SMURF1: variants seen among roughly 807,000 people sequenced by gnomAD.
The protein encoded by SMURF1 is SMAD specific E3 ubiquitin protein ligase 1.
Under a neutral mutation model 98.0 loss-of-function variants are expected in SMURF1, and 44 were observed. The ratio of observed to expected loss-of-function variants is 0.45; its 90% CI spans 0.35 to 0.58. SMURF1 has a LOEUF of 0.58. SMURF1 is among the 20% of genes least tolerant of loss of function. The pLI is 0.00. For synonymous variants in SMURF1, 396 were observed against 374.9 expected (o/e 1.06, Z -0.65); for missense variants, 687 against 938.4 (o/e 0.73, Z 3.50).
intron 1 of SMURF1, among the ~76,000 whole-genome samples, chr7:99,067,386 A>T (rs1796219696): frequency 6.6e-6 from 1 of 152,064 alleles, no homozygotes; most frequent in South Asian, 2.1e-4. Flanking sequence ...CATTTCCAGA[A>T]CACTGAGTTT....
chr7:99,088,468 A>G (rs2150575713), intron 1 of SMURF1, among the ~76,000 whole-genome samples: 1 of 151,200 alleles, frequency 6.6e-6, no homozygotes, highest in East Asian at 1.9e-4. Flanking sequence ...ACTGTCCTGT[A>G]AAGTTACCTA....
chr7:99,031,768 CAG>C (rs1273986828), intron 17 of SMURF1, among the ~76,000 whole-genome samples: 3 of 152,182 alleles, frequency 2.0e-5, no homozygotes, highest in Non-Finnish European at 4.4e-5. Flanking sequence ...AATCACATGT[CAG>C]AGGGTGTCAC....
chr7:99,090,924 C>G (rs898518571), intron 1 of SMURF1, among the ~76,000 whole-genome samples: 1 of 152,168 alleles, frequency 6.6e-6, no homozygotes, highest in Non-Finnish European at 1.5e-5. Context: ...AAAGTGACAG[C>G]TACGCTCTAG....
chr7:99,104,029 T>C (rs545454625), intron 1 of SMURF1, among the ~76,000 whole-genome samples: 1 of 152,030 alleles, frequency 6.6e-6, no homozygotes, highest in Admixed American at 6.5e-5. Context: ...AGGGATTACA[T>C]GCGTGCGTCA....
chr7:99,032,936 G>A, intron 17 of SMURF1, 101 bp downstream of exon 17: 3 of 1,273,376 alleles, frequency 2.4e-6, no homozygotes, highest in Non-Finnish European at 3.3e-6. Flanking sequence ...AAATATTTTG[G>A]CAGAGACTCC....
At chr7:99,050,560 A>G (rs185492937) in intron 8 of SMURF1, 2,581 of 183,156 alleles carry the variant, frequency 0.014, 25 homozygotes, top group Non-Finnish European at 0.021. Flanking sequence ...TATTCTCCTG[A>G]TTAATAATTT....
chr7:99,101,543 T>C (rs752159896), intron 1 of SMURF1, among the ~76,000 whole-genome samples: 26 of 152,138 alleles, frequency 1.7e-4, no homozygotes, highest in Admixed American at 7.2e-4. Context: ...ACACAATAAA[T>C]AGATTTAATT....
intron 1 of SMURF1, among the ~76,000 whole-genome samples, chr7:99,139,516 C>G (rs572013419): frequency 6.6e-6 from 1 of 152,212 alleles, no homozygotes; most frequent in East Asian, 1.9e-4. Flanking sequence ...ATTGTAGAAC[C>G]CTGAATTCCA....
intron 1 of SMURF1, among the ~76,000 whole-genome samples, chr7:99,093,107 G>C (rs1796852406): frequency 6.6e-6 from 1 of 152,168 alleles, no homozygotes; most frequent in Non-Finnish European, 1.5e-5. Flanking sequence ...AGGGCGCAGA[G>C]GGAGGAAATG....
intron 1 of SMURF1, among the ~76,000 whole-genome samples, chr7:99,082,950 C>A (rs996731150): frequency 6.6e-6 from 1 of 152,108 alleles, no homozygotes; most frequent in Admixed American, 6.6e-5. Context: ...ATACTTCTTT[C>A]ATTGAATTTA....
At chr7:99,049,939 G>T (rs748698839) in intron 8 of SMURF1, 1 of 424,874 alleles carries the variant, frequency 2.4e-6, no homozygotes, top group Admixed American at 4.1e-5. Context: ...CAGGCTGGGC[G>T]CGGTAGCTCA....
intron 1 of SMURF1, among the ~76,000 whole-genome samples, chr7:99,131,650 G>A (rs1427933175): frequency 6.6e-6 from 1 of 152,168 alleles, no homozygotes; most frequent in Non-Finnish European, 1.5e-5. Flanking sequence ...CCAGGAGTTT[G>A]AGGCTGCAGT....
Position 99,061,827 on chromosome 7 carries a change from G to A in SMURF1, c.66C>T (p.Ala22=). 1 of 1,604,224 alleles carries A rather than the reference G, an allele frequency of 6.2e-7. No individual in the cohort carries two copies. The highest frequency in any genetic ancestry group is 1.1e-5 in the South Asian group (1 of 88,396). ...AGAAGTCTTTCTTTGCAAGGTTCTT[G>A]GCACATAACACTAAAAACAAAGAAA... The part of the protein sequence containing the change: ...SIKIRLTVLC[A]KNLAKKDFFR... The change falls in exon 2 of 18, where the codon GCC becomes GCT. Residue 22 remains alanine, a synonymous_variant. Coordinates refer to ENST00000361368, the MANE Select transcript of SMURF1 (RefSeq NM_181349.3).
chr7:99,110,587 A>G (rs988456750), intron 1 of SMURF1, among the ~76,000 whole-genome samples: 3 of 152,252 alleles, frequency 2.0e-5, no homozygotes, highest in African/African-American at 7.2e-5. Flanking sequence ...AAGTTTGACA[A>G]TCTATTGAAA....
At chr7:99,143,703 G>A (rs751959732) in intron 1 of SMURF1, 23 bp downstream of exon 1, 4 of 1,547,048 alleles carry the variant, frequency 2.6e-6, no homozygotes, top group Middle Eastern at 1.7e-4. Context: ...CCGGGGCGCG[G>A]GTGGGCCTCC....
intron 8 of SMURF1, chr7:99,050,954 A>G (rs1222483737): frequency 6.4e-7 from 1 of 1,551,474 alleles, no homozygotes; most frequent in Admixed American, 2.0e-5. Context: ...GAATTCGTAT[A>G]GAAAAGCTGC....
At chr7:99,125,302 G>A (rs188208634) in intron 1 of SMURF1, among the ~76,000 whole-genome samples, 1 of 152,182 alleles carries the variant, frequency 6.6e-6, no homozygotes, top group East Asian at 1.9e-4. Flanking sequence ...GCCCCAGCTG[G>A]TCTTGAGCTC....
chr7:99,100,418 G>T (rs1341033715), intron 1 of SMURF1, among the ~76,000 whole-genome samples: 2 of 152,192 alleles, frequency 1.3e-5, no homozygotes, highest in African/African-American at 4.8e-5. Context: ...AGCTGGGCAT[G>T]GTGGCGGGCG....
At chr7:99,078,501 C>G (rs958379038) in intron 1 of SMURF1, among the ~76,000 whole-genome samples, 1 of 151,876 alleles carries the variant, frequency 6.6e-6, no homozygotes, top group Non-Finnish European at 1.5e-5. Flanking sequence ...GGGTCCTCAA[C>G]CCCCCCTCCC....
Sources: gnomAD v4.1 joint callset for allele counts (sites outside exome capture counted in the v4.1 genomes callset) on GRCh38, gnomAD v4.1.1 for gene constraint, MANE v1.5 for transcripts, NCBI Gene and HGNC (gene_info 2026-07-23, HGNC 2026-07-21) for gene names.